The following IL2RA variants were observed in gnomAD, a reference collection of about 807,000 sequenced individuals.
The protein encoded by IL2RA is interleukin 2 receptor subunit alpha, also known as interleukin-2 receptor subunit alpha.
IL2RA carries 24 observed loss-of-function variants against 37.8 expected under a neutral mutation model. The observed-to-expected ratio is 0.63, with a 90% confidence interval of 0.46 to 0.89. The LOEUF (loss-of-function observed/expected upper bound fraction) is 0.89, where lower values mean the gene tolerates loss of function less well. Among genes scored for constraint, IL2RA ranks in the 40% least tolerant of loss-of-function variants. The probability of loss-of-function intolerance (pLI) is 0.00; values close to 1 mark genes in which losing one functional copy is unlikely to be tolerated. For missense variants in IL2RA, 319 were observed against 348.6 expected (o/e 0.92, Z 0.68); for synonymous variants, 125 against 114.6 (o/e 1.09, Z -0.58).
intron 1 of IL2RA, among the ~76,000 whole-genome samples, chr10:6,032,385 A>G (rs1839609197): frequency 1.3e-5 from 2 of 152,224 alleles, no homozygotes; most frequent in South Asian, 2.1e-4. Context: ...CTACTCATCC[A>G]GAGACATTAA....
intron 1 of IL2RA, among the ~76,000 whole-genome samples, chr10:6,037,156 C>T (rs1284043731): frequency 6.6e-6 from 1 of 152,196 alleles, no homozygotes; most frequent in African/African-American, 2.4e-5. Flanking sequence ...CAGATGCTTC[C>T]TCACTCAGCG....
At chr10:6,062,001 A>G in intron 1 of IL2RA, 87 bp downstream of exon 1, 1 of 1,116,416 alleles carries the variant, frequency 9.0e-7, no homozygotes, top group South Asian at 1.2e-5. Context: ...GGAACCATCT[A>G]CCTGGGGACT....
intron 1 of IL2RA, among the ~76,000 whole-genome samples, chr10:6,045,520 C>T (rs532822706): frequency 5.9e-5 from 9 of 152,100 alleles, no homozygotes; most frequent in South Asian, 2.1e-4. Flanking sequence ...AACAGGCTTC[C>T]GGGCATGAAA....
chr10:6,050,759 G>A lies in IL2RA; in HGVS notation c.64+11329C>T, dbSNP rs577270661. 4.6e-4 allele frequency among the ~76,000 whole-genome samples: 70 copies of A among 152,344 alleles called. No individual in the cohort carries two copies. The Middle Eastern group carries it at 0.017, about 37-fold the overall frequency. On this transcript the variant is annotated intron_variant, in intron 1 of 7. Transcript: ENST00000379959. ...GCACGCAGCAAGGCCTCCCTGGCCC[G>A]GGAGTGCTCAGAGCTGGGATCCCAG... is the stretch of plus-strand genomic sequence containing the variant.
In IL2RA at chr10:6,025,696, AG is replaced by A; in HGVS notation, c.256+137del. On this transcript the variant is annotated intron_variant, in intron 2 of 7. Coordinates refer to ENST00000379959, the MANE Select transcript of IL2RA (RefSeq NM_000417.3). The surrounding 1 kb of genome is among the most constrained non-coding windows in gnomAD (Gnocchi z 4.4). ...AATTGTGTTTAGTGAATGACTTTTC[AG>A]GAACCACTAAAATTAGTTATCCTGT... is the stretch of plus-strand genomic sequence containing the variant. 1 of 829,730 alleles carries A rather than the reference AG, an allele frequency of 1.2e-6. No individual in the cohort carries two copies. The highest frequency in any genetic ancestry group is 2.0e-6 in the Non-Finnish European group (1 of 505,182). The allele number at this position is 829,730 out of a possible 1,614,324, so 51.4% of individuals were successfully genotyped here. A position where few individuals can be genotyped will look rare whatever the true frequency, so the allele number is the denominator to read the frequency against.
rs979420857 is a variant in IL2RA, at chr10:6,029,258, G to A, written c.65-3233C>T. 1.6e-4 allele frequency among the ~76,000 whole-genome samples: 24 copies of A among 150,174 alleles called. No individual in the cohort carries two copies. Among genetic ancestry groups the A allele is most frequent in the South Asian group, 2.1e-4 (1 of 4,734 alleles). On this transcript the variant is annotated intron_variant, in intron 1 of 7. Coordinates refer to ENST00000379959, the MANE Select transcript of IL2RA (RefSeq NM_000417.3). The surrounding 1 kb of genome is among the most constrained non-coding windows in gnomAD (Gnocchi z 4.6). ...TGACTCACTGCAACCTCTGCCCCCCGGGTTCAAGCGATTCTCCTGCCTCAG... is the reference window on the plus strand; with the variant it reads ...TGACTCACTGCAACCTCTGCCCCCCAGGTTCAAGCGATTCTCCTGCCTCAG...
Position 6,047,608 on chromosome 10 carries a change from G to A in IL2RA, c.64+14480C>T, listed in dbSNP as rs791589. ...ATTATGAATATGAAGGATAATTAAC[G>A]TATCTATTATTTTATTAGACATCAC... On this transcript the variant is annotated intron_variant, in intron 1 of 7. Transcript: ENST00000379959. The surrounding 1 kb of genome is among the most constrained non-coding windows in gnomAD (Gnocchi z 5.0). Among the ~76,000 whole-genome samples the A allele has an allele frequency of 0.71, 107,204 of 151,086 alleles. 41,169 individuals are homozygous for A. The highest frequency in any genetic ancestry group is 0.86 in the Non-Finnish European group (58,536 of 67,866).
chr10:6,030,189 C>G (rs1232993677), intron 1 of IL2RA, among the ~76,000 whole-genome samples: 3 of 151,812 alleles, frequency 2.0e-5, no homozygotes, highest in Non-Finnish European at 4.4e-5. Context: ...AATTGAATTC[C>G]CAATGATAGA....
chr10:6,015,478 T>A lies in IL2RA; in HGVS notation c.794+2575A>T, dbSNP rs12243549. Among the ~76,000 whole-genome samples the A allele has an allele frequency of 6.6e-6, 1 of 152,174 alleles. No individual in the cohort carries two copies. Among genetic ancestry groups the A allele is most frequent in the Admixed American group, 6.5e-5 (1 of 15,278 alleles). ...GCGTCAGTATCACCTGGGAACCTGA[T>A]AGAAATACAGATTCCTGGACCTAAG... On this transcript the variant is annotated intron_variant, in intron 7 of 7. Transcript: ENST00000379959. This position sits in a 1 kb window ranked among gnomAD's most constrained non-coding sequence, Gnocchi z 4.9.
intron 1 of IL2RA, among the ~76,000 whole-genome samples, chr10:6,059,659 C>G (rs535490665): frequency 6.6e-6 from 1 of 152,324 alleles, no homozygotes; most frequent in South Asian, 2.1e-4. Context: ...CCCACCCTCC[C>G]TGTCCAGGGC....
rs757038820 is a variant in IL2RA at position 6,047,143 on chromosome 10, C to A, written c.64+14945G>T. Among the ~76,000 whole-genome samples, 11 of 152,184 alleles carry A rather than the reference C, an allele frequency of 7.2e-5. No individual in the cohort carries two copies. Among genetic ancestry groups the A allele is most frequent in the Admixed American group, 5.2e-4 (8 of 15,282 alleles). On this transcript the variant is annotated intron_variant, in intron 1 of 7. Coordinates refer to ENST00000379959, the MANE Select transcript of IL2RA (RefSeq NM_000417.3). The surrounding 1 kb of genome is among the most constrained non-coding windows in gnomAD (Gnocchi z 5.0). ...CAAATCCCTGCATGCCCTGCGCATG[C>A]CCTAACCCTGAGGAGGTGCTGAACC...
At chr10:6,049,960 G>A (rs537522875) in intron 1 of IL2RA, among the ~76,000 whole-genome samples, 81 of 152,166 alleles carry the variant, frequency 5.3e-4, no homozygotes, top group Admixed American at 2.1e-3. Flanking sequence ...AAATGAGGAG[G>A]TTCCCTTTGA....
In IL2RA at chr10:6,056,997, T is replaced by A. The variant is rs943648728; in HGVS notation, c.64+5091A>T. On this transcript the variant is annotated intron_variant, in intron 1 of 7. Transcript: ENST00000379959. This position sits in a 1 kb window ranked among gnomAD's most constrained non-coding sequence, Gnocchi z 5.0. ...TCCCTGGAATGTCACTGATGGAAATTTACCAGTCCCTCAGGGCTCCCTTTC... is the reference window on the plus strand; with the variant it reads ...TCCCTGGAATGTCACTGATGGAAATATACCAGTCCCTCAGGGCTCCCTTTC... Among the ~76,000 whole-genome samples, 2 of 152,142 alleles carry A rather than the reference T, an allele frequency of 1.3e-5. No homozygotes were observed. The highest frequency in any genetic ancestry group is 2.9e-5 in the Non-Finnish European group (2 of 68,020).
At position 6,047,079 on chromosome 10, in the gene IL2RA, G is replaced by T. The variant is rs1316815861; in HGVS notation, c.64+15009C>A. ...GGACAAAGACCCTCTCCATGTCTCT[G>T]CATGCTTGCATGGAGAACATGCATT... On this transcript the variant is annotated intron_variant, in intron 1 of 7. Coordinates refer to ENST00000379959, the MANE Select transcript of IL2RA (RefSeq NM_000417.3). The surrounding 1 kb of genome is among the most constrained non-coding windows in gnomAD (Gnocchi z 5.0). 6.6e-6 allele frequency among the ~76,000 whole-genome samples: 1 copy of T among 152,254 alleles called. No individual in the cohort carries two copies. The highest frequency in any genetic ancestry group is 1.9e-4 in the East Asian group (1 of 5,200).
intron 7 of IL2RA, among the ~76,000 whole-genome samples, chr10:6,013,660 G>A (rs1000403317): frequency 2.6e-5 from 4 of 152,156 alleles, no homozygotes; most frequent in Admixed American, 1.3e-4. Flanking sequence ...GAAGAGATGC[G>A]CGGTAGCCAC....
intron 1 of IL2RA, among the ~76,000 whole-genome samples, chr10:6,055,329 A>G (rs1840026531): frequency 6.6e-6 from 1 of 152,226 alleles, no homozygotes; most frequent in East Asian, 1.9e-4. Context: ...ATTTGGAAGT[A>G]TTCAAGGAAC....
In IL2RA at chr10:6,018,628, G is replaced by A. The variant is rs767628899; in HGVS notation, c.728-509C>T. On this transcript the variant is annotated intron_variant, in intron 6 of 7. Transcript: ENST00000379959. This position sits in a 1 kb window ranked among gnomAD's most constrained non-coding sequence, Gnocchi z 5.1. Reference sequence around the variant, plus strand: ...AAGCCTGTCCTCTCTGACTGGCTACGTGGCTCCTTCCTCCCACTCTTGACC... The same window carrying A: ...AAGCCTGTCCTCTCTGACTGGCTACATGGCTCCTTCCTCCCACTCTTGACC... 2.0e-5 allele frequency among the ~76,000 whole-genome samples: 3 copies of A among 152,118 alleles called. No homozygotes were observed. Among genetic ancestry groups the A allele is most frequent in the Admixed American group, 6.6e-5 (1 of 15,264 alleles).
rs865963167 is a variant in IL2RA, at chr10:6,057,757, G to A, written c.64+4331C>T. ...GCAAGAAGAGGAGCAGGGAAGGGTG[G>A]GAACAGCTGCCACGTTGAGGGACTG... On this transcript the variant is annotated intron_variant, in intron 1 of 7. Transcript: ENST00000379959. This position sits in a 1 kb window ranked among gnomAD's most constrained non-coding sequence, Gnocchi z 4.8. 1.3e-5 allele frequency among the ~76,000 whole-genome samples: 2 copies of A among 152,144 alleles called. No homozygotes were observed. Among genetic ancestry groups the A allele is most frequent in the Non-Finnish European group, 2.9e-5 (2 of 68,032 alleles).
In IL2RA at chr10:6,047,510, C is replaced by T. The variant is rs996283603; in HGVS notation, c.64+14578G>A. ...ATCACGTCAGCTGAGACGCAACACACTGCATGCCGAACACACAGGAGAGCT... is the reference window on the plus strand; with the variant it reads ...ATCACGTCAGCTGAGACGCAACACATTGCATGCCGAACACACAGGAGAGCT... On this transcript the variant is annotated intron_variant, in intron 1 of 7. Coordinates refer to ENST00000379959, the MANE Select transcript of IL2RA (RefSeq NM_000417.3). This position sits in a 1 kb window ranked among gnomAD's most constrained non-coding sequence, Gnocchi z 5.0. Among the ~76,000 whole-genome samples, 1 of 152,212 alleles carries T rather than the reference C, an allele frequency of 6.6e-6. No homozygotes were observed. Among genetic ancestry groups the T allele is most frequent in the Non-Finnish European group, 1.5e-5 (1 of 68,046 alleles).
Sources: allele counts gnomAD v4.1 joint callset (sites outside exome capture counted in the v4.1 genomes callset), GRCh38; gene constraint gnomAD v4.1.1; non-coding constraint Gnocchi (gnomAD v3.1); transcripts MANE v1.5; gene names NCBI Gene and HGNC (gene_info 2026-07-23, HGNC 2026-07-21).